EXOC6B: variants seen among roughly 807,000 people sequenced by gnomAD.
EXOC6B encodes the protein SEC15 homolog B.
EXOC6B carries 54 observed loss-of-function variants against 113.5 expected under a neutral mutation model. The observed-to-expected ratio is 0.48, with a 90% CI of 0.38 to 0.60. The LOEUF is 0.60. Ranked by LOEUF, EXOC6B falls within the 20% of genes least tolerant of loss-of-function variation. EXOC6B has a pLI of 0.00. For missense variants in EXOC6B, 797 were observed against 977.5 expected, an observed-to-expected ratio of 0.82 and a Z score of 2.46; for synonymous variants, 357 against 339.0, an observed-to-expected ratio of 1.05 and a Z score of -0.58.
At chr2:72,477,347 G>A (rs976872105) in intron 17 of EXOC6B, among the ~76,000 whole-genome samples, 18 of 152,020 alleles carry the variant, frequency 1.2e-4, no homozygotes, top group African/African-American at 4.4e-4. Flanking sequence ...AAAAGTTTTG[G>A]AACTATCTTT....
At chr2:72,719,915 A>G (rs1679883857) in intron 5 of EXOC6B, among the ~76,000 whole-genome samples, 2 of 152,228 alleles carry the variant, frequency 1.3e-5, no homozygotes, top group Non-Finnish European at 2.9e-5. Context: ...ACTTCTTTAA[A>G]AGATAAGATT....
intron 8 of EXOC6B, among the ~76,000 whole-genome samples, chr2:72,547,668 A>G (rs1702984833): frequency 6.6e-6 from 1 of 152,206 alleles, no homozygotes; most frequent in Admixed American, 6.5e-5. Context: ...GTTTCATTGT[A>G]TAAAGGAGCT....
intron 8 of EXOC6B, among the ~76,000 whole-genome samples, chr2:72,523,606 G>A (rs192408001): frequency 6.6e-6 from 1 of 151,896 alleles, no homozygotes; most frequent in Admixed American, 6.6e-5. Context: ...GTGAAACCCC[G>A]TCTGTACTAC....
intron 1 of EXOC6B, among the ~76,000 whole-genome samples, chr2:72,776,524 G>A (rs1400087256): frequency 2.6e-5 from 4 of 152,080 alleles, no homozygotes; most frequent in Non-Finnish European, 4.4e-5. Flanking sequence ...GGCTGAGATG[G>A]GAGGATCACT....
At chr2:72,570,947 C>T (rs1032825082) in intron 7 of EXOC6B, among the ~76,000 whole-genome samples, 4 of 152,144 alleles carry the variant, frequency 2.6e-5, no homozygotes, top group Admixed American at 2.0e-4. Flanking sequence ...TGTACAAGGA[C>T]TGTGACAAAG....
chr2:72,521,858 G>A (rs374176881), intron 8 of EXOC6B, among the ~76,000 whole-genome samples: 3 of 151,988 alleles, frequency 2.0e-5, no homozygotes, highest in Non-Finnish European at 4.4e-5. Context: ...CACCACGCCC[G>A]GCTAATTTTT....
chr2:72,678,066 C>G (rs1307237347), intron 6 of EXOC6B, among the ~76,000 whole-genome samples: 2 of 152,198 alleles, frequency 1.3e-5, no homozygotes, highest in Non-Finnish European at 2.9e-5. Context: ...GATTCTCCCT[C>G]TCTCTACAGT....
chr2:72,295,618 C>T (rs1411891137), intron 20 of EXOC6B, among the ~76,000 whole-genome samples: 1 of 152,110 alleles, frequency 6.6e-6, no homozygotes, highest in Non-Finnish European at 1.5e-5. Context: ...AGGAACACCA[C>T]AGTTAGTGTT....
At chr2:72,371,046 C>T (rs995212210) in intron 19 of EXOC6B, among the ~76,000 whole-genome samples, 7 of 150,776 alleles carry the variant, frequency 4.6e-5, no homozygotes, top group Admixed American at 1.3e-4. Flanking sequence ...AAAACTCCTC[C>T]TCCAAAAAAA....
intron 6 of EXOC6B, among the ~76,000 whole-genome samples, chr2:72,701,096 C>T (rs555935306): frequency 1.8e-4 from 28 of 152,134 alleles, no homozygotes; most frequent in Non-Finnish European, 4.0e-4. Context: ...GTAATCCCAA[C>T]ATTTTGGGAG....
chr2:72,546,257 T>C (rs1702892757), intron 8 of EXOC6B, among the ~76,000 whole-genome samples: 2 of 152,310 alleles, frequency 1.3e-5, no homozygotes, highest in South Asian at 4.1e-4. Context: ...GAGACCAGCC[T>C]GGCCAGCATG....
intron 6 of EXOC6B, among the ~76,000 whole-genome samples, chr2:72,643,197 C>T (rs1320050526): frequency 6.6e-6 from 1 of 152,030 alleles, no homozygotes; most frequent in Non-Finnish European, 1.5e-5. Context: ...TTGTGGAAGT[C>T]AGTGTGGTGA....
intron 6 of EXOC6B, among the ~76,000 whole-genome samples, chr2:72,694,752 G>A (rs182073770): frequency 1.1e-3 from 163 of 152,286 alleles, no homozygotes; most frequent in African/African-American, 3.7e-3. Context: ...ACACATGGCC[G>A]GAGTCACCTT....
chr2:72,401,646 CATATAT>C (rs72155589), intron 18 of EXOC6B, among the ~76,000 whole-genome samples: 4 of 20,716 alleles, frequency 1.9e-4, no homozygotes, highest in East Asian at 8.2e-4. Flanking sequence ...TACATATATA[CATATAT>C]ATATATATAT....
At chr2:72,786,820 C>T (rs1424052967) in intron 1 of EXOC6B, among the ~76,000 whole-genome samples, 2 of 152,098 alleles carry the variant, frequency 1.3e-5, no homozygotes, top group Non-Finnish European at 2.9e-5. Context: ...CTTAAGTATG[C>T]TTTTGTTGAA....
chr2:72,182,568 A>G (rs1678157521), intron 21 of EXOC6B, among the ~76,000 whole-genome samples: 1 of 152,066 alleles, frequency 6.6e-6, no homozygotes, highest in Non-Finnish European at 1.5e-5. Context: ...CCCTTCGGTC[A>G]GGGCTTTATT....
intron 1 of EXOC6B, among the ~76,000 whole-genome samples, chr2:72,779,648 G>A (rs1411175672): frequency 6.6e-6 from 1 of 152,090 alleles, no homozygotes; most frequent in Non-Finnish European, 1.5e-5. Flanking sequence ...ACACCCCACA[G>A]CCATAAAATT....
chr2:72,350,995 C>T (rs1160430122), intron 19 of EXOC6B, among the ~76,000 whole-genome samples: 2 of 152,062 alleles, frequency 1.3e-5, no homozygotes, highest in African/African-American at 2.4e-5. Flanking sequence ...TCACCCTTTC[C>T]CCTGGTTAAT....
intron 20 of EXOC6B, among the ~76,000 whole-genome samples, chr2:72,318,140 G>A (rs1273013853): frequency 6.6e-6 from 1 of 152,124 alleles, no homozygotes; most frequent in East Asian, 1.9e-4. Flanking sequence ...TTCTCCAGAT[G>A]ACCATAGTTT....
Sources: allele counts gnomAD v4.1 joint callset (sites outside exome capture counted in the v4.1 genomes callset), GRCh38; gene constraint gnomAD v4.1.1; transcripts MANE v1.5; gene names NCBI Gene and HGNC (gene_info 2026-07-23, HGNC 2026-07-21).